Variants in MYH15 observed in about 807,000 individuals in gnomAD.
MYH15 encodes myosin heavy chain 15, also known as myosin-15.
In MYH15, 227 loss-of-function variants were observed where a neutral mutation model predicts 240.5. That is an observed-to-expected ratio of 0.94 (90% CI 0.85 to 1.05). The LOEUF is 1.05. Among genes scored for constraint, MYH15 ranks in the 50% least tolerant of loss-of-function variants. The pLI is 0.00. For synonymous variants in MYH15, 785 were observed against 796.7 expected, an observed-to-expected ratio of 0.99 and a Z score of 0.25; for missense variants, 2,217 against 2,247.5, an observed-to-expected ratio of 0.99 and a Z score of 0.27.
chr3:108,456,972 A>T, intron 18 of MYH15, 89 bp from the exon 19 acceptor site: 1 of 939,350 alleles, frequency 1.1e-6, no homozygotes, highest in Non-Finnish European at 1.7e-6. Flanking sequence ...CTTGGGTTAA[A>T]AAGAAAGTCT....
chr3:108,424,776 T>C (rs1016085397), intron 27 of MYH15, among the ~76,000 whole-genome samples: 1 of 152,202 alleles, frequency 6.6e-6, no homozygotes, highest in Admixed American at 6.5e-5. Context: ...CTAATGTATA[T>C]GCCTATGAGA....
At chr3:108,393,200 G>C (rs929496463) in intron 36 of MYH15, among the ~76,000 whole-genome samples, 7 of 152,196 alleles carry the variant, frequency 4.6e-5, no homozygotes, top group Non-Finnish European at 1.0e-4. Context: ...CATGTGGGAG[G>C]ATCAGGGCTG....
At chr3:108,483,067 C>T (rs1006663398) in intron 11 of MYH15, among the ~76,000 whole-genome samples, 1 of 151,814 alleles carries the variant, frequency 6.6e-6, no homozygotes, top group Non-Finnish European at 1.5e-5. Flanking sequence ...AGTGGTGCAC[C>T]TGTAATCCCA....
the MYH15 span, among the ~76,000 whole-genome samples, chr3:108,539,347 T>C: frequency 6.6e-6 from 1 of 152,012 alleles, no homozygotes; most frequent in Non-Finnish European, 1.5e-5. Context: ...ATGATAGAGG[T>C]TTAGCAGGGA....
At chr3:108,541,013 A>T in the MYH15 span, among the ~76,000 whole-genome samples, 1 of 152,068 alleles carries the variant, frequency 6.6e-6, no homozygotes, top group Non-Finnish European at 1.5e-5. Context: ...ACTATATTCA[A>T]ATAAAGCATT....
chr3:108,505,889 T>G, intron 1 of MYH15, 60 bp from the exon 2 acceptor site: 2 of 1,122,422 alleles, frequency 1.8e-6, no homozygotes, highest in Admixed American at 3.8e-5. Context: ...AAATACATAC[T>G]GGACACTTTC....
intron 28 of MYH15, among the ~76,000 whole-genome samples, 198 bp downstream of exon 28, chr3:108,420,890 G>C (rs1469556847): frequency 6.6e-6 from 1 of 152,068 alleles, no homozygotes; most frequent in Admixed American, 6.5e-5. Context: ...ACTAGGCAGG[G>C]GTTCCCAAGT....
At chr3:108,453,096 A>C (rs1347452608) in intron 21 of MYH15, among the ~76,000 whole-genome samples, 1 of 152,164 alleles carries the variant, frequency 6.6e-6, no homozygotes, top group East Asian at 1.9e-4. Flanking sequence ...TTTAGAGAGA[A>C]TGGATCATAA....
chr3:108,413,881 T>C (rs185302464), intron 30 of MYH15, among the ~76,000 whole-genome samples: 5 of 152,312 alleles, frequency 3.3e-5, no homozygotes, highest in African/African-American at 9.6e-5. Flanking sequence ...TCAATTATTA[T>C]GGCGTTACAA....
chr3:108,488,064 ATACT>A (rs2083319331), intron 9 of MYH15, among the ~76,000 whole-genome samples: 1 of 151,706 alleles, frequency 6.6e-6, no homozygotes, highest in Non-Finnish European at 1.5e-5. Flanking sequence ...GTCATTTCAC[ATACT>A]TTTTTTTTTG....
At chr3:108,493,277 A>G in intron 7 of MYH15, 100 bp from the exon 8 acceptor site, 1 of 733,962 alleles carries the variant, frequency 1.4e-6, no homozygotes, top group East Asian at 2.7e-5. Flanking sequence ...TCTCAAAAGG[A>G]CTACTTCCCC....
chr3:108,482,848 G>A (rs1411889833), intron 11 of MYH15, among the ~76,000 whole-genome samples: 1 of 152,098 alleles, frequency 6.6e-6, no homozygotes, highest in Admixed American at 6.6e-5. Context: ...GTTCACGGAT[G>A]TATCCCTAGC....
chr3:108,442,473 C>T (rs902519860), intron 22 of MYH15, among the ~76,000 whole-genome samples: 6 of 152,286 alleles, frequency 3.9e-5, no homozygotes, highest in East Asian at 3.9e-4. Flanking sequence ...ATAATGGGGA[C>T]ATTTTATCTT....
At chr3:108,439,611 T>A (rs1274577021) in intron 24 of MYH15, 126 bp downstream of exon 24, 24 of 844,780 alleles carry the variant, frequency 2.8e-5, no homozygotes, top group Non-Finnish European at 4.1e-5. Context: ...TTATTCTCAA[T>A]AATCAGGAAA....
At chr3:108,485,312 G>T (rs570596363) in intron 10 of MYH15, 83 bp from the exon 11 acceptor site, 2 of 1,470,860 alleles carry the variant, frequency 1.4e-6, no homozygotes, top group Middle Eastern at 1.8e-4. Context: ...GTTACACCTC[G>T]GGCTGTGGGC....
intron 16 of MYH15, among the ~76,000 whole-genome samples, chr3:108,460,923 T>A (rs966599871): frequency 6.6e-6 from 1 of 152,186 alleles, no homozygotes; most frequent in African/African-American, 2.4e-5. Context: ...CTATATGAGA[T>A]TACAGATAAT....
intron 33 of MYH15, among the ~76,000 whole-genome samples, chr3:108,402,722 C>G (rs1305571755): frequency 2.0e-5 from 3 of 152,238 alleles, no homozygotes; most frequent in African/African-American, 7.2e-5. Context: ...AAGACCATGG[C>G]TGTGGACCAG....
intron 3 of MYH15, among the ~76,000 whole-genome samples, chr3:108,501,380 T>A (rs183781334): frequency 9.9e-5 from 15 of 152,284 alleles, no homozygotes; most frequent in Admixed American, 6.5e-4. Flanking sequence ...CAAGCTCCCA[T>A]GGAAAGGCAG....
chr3:108,480,712 T>C (rs1214585211), intron 11 of MYH15, among the ~76,000 whole-genome samples: 1 of 152,014 alleles, frequency 6.6e-6, no homozygotes, highest in East Asian at 1.9e-4. Flanking sequence ...AACAATACCA[T>C]AAATATGAAT....
Sources: allele counts gnomAD v4.1 joint callset (sites outside exome capture counted in the v4.1 genomes callset), GRCh38; gene constraint gnomAD v4.1.1; transcripts MANE v1.5; gene names NCBI Gene and HGNC (gene_info 2026-07-23, HGNC 2026-07-21).